The following GNAQ variants were observed in gnomAD, a reference collection of about 807,000 sequenced individuals.
GNAQ encodes G protein subunit alpha q, also known as guanine nucleotide-binding protein G(q) subunit alpha.
GNAQ carries 8 observed loss-of-function variants against 43.9 expected under a neutral mutation model. The observed-to-expected ratio is 0.18, with a 90% CI of 0.11 to 0.33. The LOEUF (loss-of-function observed/expected upper bound fraction) is 0.33, where lower values mean the gene tolerates loss of function less well. GNAQ is among the 10% of genes least tolerant of loss of function. The pLI, the probability that GNAQ is intolerant of heterozygous loss-of-function variation, is 1.00. For synonymous variants in GNAQ, 155 were observed against 170.7 expected (o/e 0.91, Z 0.71); for missense variants, 158 against 450.8 (o/e 0.35, Z 5.88).
chr9:77,902,257 T>G (rs1467657647), intron 2 of GNAQ, among the ~76,000 whole-genome samples: 2 of 152,266 alleles, frequency 1.3e-5, no homozygotes, highest in Admixed American at 1.3e-4. Context: ...GTATTTTGTT[T>G]GCTTTTCACT....
chr9:77,828,652 A>G (rs530140925), intron 2 of GNAQ, among the ~76,000 whole-genome samples: 1 of 152,332 alleles, frequency 6.6e-6, no homozygotes, highest in African/African-American at 2.4e-5. Context: ...TTCATGTTAG[A>G]TCAATAAATA....
intron 2 of GNAQ, among the ~76,000 whole-genome samples, chr9:77,883,834 GTC>G (rs1828258155): frequency 6.6e-6 from 1 of 152,126 alleles, no homozygotes; most frequent in Non-Finnish European, 1.5e-5. Flanking sequence ...AAACTGTCTA[GTC>G]TCTGTTCCCT....
intron 5 of GNAQ, among the ~76,000 whole-genome samples, chr9:77,778,773 C>G (rs114700312): frequency 1.3e-5 from 2 of 151,892 alleles, no homozygotes; most frequent in African/African-American, 4.8e-5. Context: ...AGACAAGTAG[C>G]TATACCCAAG....
At chr9:77,756,973 T>C (rs1825913557) in intron 5 of GNAQ, among the ~76,000 whole-genome samples, 1 of 152,182 alleles carries the variant, frequency 6.6e-6, no homozygotes, top group African/African-American at 2.4e-5. Context: ...GCCTGCTCCA[T>C]AGCTTCCATT....
chr9:77,892,477 G>A (rs1828421975), intron 2 of GNAQ, among the ~76,000 whole-genome samples: 1 of 152,124 alleles, frequency 6.6e-6, no homozygotes, highest in African/African-American at 2.4e-5. Context: ...TTTCTTCTAG[G>A]TCAATGCCCA....
intron 1 of GNAQ, among the ~76,000 whole-genome samples, chr9:77,943,947 G>T (rs530376989): frequency 6.6e-6 from 1 of 152,094 alleles, no homozygotes; most frequent in Non-Finnish European, 1.5e-5. Context: ...GATTACAGGC[G>T]TGAGACACAG....
intron 5 of GNAQ, among the ~76,000 whole-genome samples, chr9:77,772,549 T>C (rs1164738883): frequency 1.3e-5 from 2 of 152,204 alleles, no homozygotes; most frequent in Admixed American, 6.5e-5. Context: ...AGAAACTCCC[T>C]TTTCTCTTGG....
intron 6 of GNAQ, among the ~76,000 whole-genome samples, chr9:77,724,916 T>C (rs1825374479): frequency 6.6e-6 from 1 of 151,508 alleles, no homozygotes; most frequent in Non-Finnish European, 1.5e-5. Context: ...TTCAATGTAC[T>C]ATTAACTCCA....
At chr9:77,779,897 T>C (rs950352159) in intron 5 of GNAQ, among the ~76,000 whole-genome samples, 11 of 151,810 alleles carry the variant, frequency 7.2e-5, no homozygotes, top group Admixed American at 5.9e-4. Flanking sequence ...AATAGGCCTA[T>C]ATTCAGTAAC....
intron 6 of GNAQ, among the ~76,000 whole-genome samples, chr9:77,721,953 T>C (rs1825321236): frequency 6.6e-6 from 1 of 152,102 alleles, no homozygotes. Flanking sequence ...GACCCAATAT[T>C]ATGGATCATT....
intron 1 of GNAQ, among the ~76,000 whole-genome samples, chr9:77,986,470 T>C (rs1823436978): frequency 6.6e-6 from 1 of 152,188 alleles, no homozygotes; most frequent in Non-Finnish European, 1.5e-5. Flanking sequence ...TGGCTCCTCC[T>C]ACCATCATTC....
At chr9:77,827,464 T>C (rs996479872) in intron 2 of GNAQ, among the ~76,000 whole-genome samples, 3 of 152,004 alleles carry the variant, frequency 2.0e-5, no homozygotes, top group African/African-American at 7.2e-5. Context: ...TTATGTGTTC[T>C]TAGCTATATA....
rs886255565 is a variant in GNAQ at position 77,728,541 on chromosome 9, G to T, written c.862C>A (p.Leu288Ile). ...TCATATTCTGGGAAGTAGTCGACTA[G>T]ATGGGAATACATGATTTTCTCCTCT... ...LLEEKIMYSHLVDYFPEYDGP... is the reference protein window; with the variant it reads ...LLEEKIMYSHIVDYFPEYDGP... The change falls in exon 6 of 7, where the codon CTA (leucine) becomes ATA (isoleucine). Residue 288 changes from leucine (L) to isoleucine (I), a missense_variant. Physicochemically the swap from Leu to Ile is conservative, Grantham distance 5 (BLOSUM62 2). Around this residue, in one of 9 missense-constraint regions of GNAQ, gnomAD observed 56 missense variants for 172.2 expected, o/e 0.33. Transcript: ENST00000286548. 6.9e-6 allele frequency: 11 copies of T among 1,604,790 alleles called. No individual in the cohort carries two copies. In the African/African-American group the frequency reaches 1.5e-4, roughly 21 times the overall value.
chr9:77,940,608 G>A (rs1175800507), intron 1 of GNAQ, among the ~76,000 whole-genome samples: 2 of 151,794 alleles, frequency 1.3e-5, no homozygotes, highest in African/African-American at 4.8e-5. Flanking sequence ...ATTTTAAAAA[G>A]AATCTAACAC....
intron 2 of GNAQ, among the ~76,000 whole-genome samples, chr9:77,827,074 A>G (rs1234534927): frequency 2.0e-5 from 3 of 152,202 alleles, no homozygotes; most frequent in African/African-American, 4.8e-5. Context: ...TTTTATAGCC[A>G]TAACTGTTTT....
At chr9:77,848,587 C>T (rs1295350326) in intron 2 of GNAQ, among the ~76,000 whole-genome samples, 2 of 152,220 alleles carry the variant, frequency 1.3e-5, no homozygotes, top group South Asian at 2.1e-4. Flanking sequence ...GTTGGCTTGG[C>T]CAGGGCAATG....
At position 77,816,761 on chromosome 9, in the gene GNAQ, G is replaced by C. The variant is rs1354700347; in HGVS notation, c.322-991C>G. Among the ~76,000 whole-genome samples the C allele has an allele frequency of 2.0e-5, 3 of 152,092 alleles. No homozygotes were observed. In the East Asian group the frequency reaches 5.8e-4, roughly 29 times the overall value. ...AATACAAACTTCTAAACAAGGTTAG[G>C]GAATGGCTATCATGATGACATCATG... On this transcript the variant is annotated intron_variant, in intron 2 of 6. Transcript: ENST00000286548.
chr9:77,950,153 G>T (rs1446750639), intron 1 of GNAQ, among the ~76,000 whole-genome samples: 2 of 152,112 alleles, frequency 1.3e-5, no homozygotes, highest in Non-Finnish European at 1.5e-5. Context: ...TTGCTTCTCT[G>T]GAGGCAATTA....
chr9:77,756,556 A>G (rs1425521214), intron 5 of GNAQ, among the ~76,000 whole-genome samples: 3 of 152,178 alleles, frequency 2.0e-5, no homozygotes, highest in Non-Finnish European at 4.4e-5. Context: ...AGTGATAACC[A>G]TGGCCTAGGG....
Sources: allele counts gnomAD v4.1 joint callset (sites outside exome capture counted in the v4.1 genomes callset), GRCh38; gene constraint gnomAD v4.1.1; regional missense constraint gnomAD v4.1.1; transcripts MANE v1.5; gene names NCBI Gene and HGNC (gene_info 2026-07-23, HGNC 2026-07-21).